PABPC4L: variants seen among roughly 807,000 people sequenced by gnomAD.
PABPC4L encodes the protein poly(A) binding protein cytoplasmic 4 like, also known as polyadenylate-binding protein 4-like.
For synonymous variants in PABPC4L, 169 were observed against 164.1 expected (o/e 1.03, Z -0.23); for missense variants, 452 against 451.4 (o/e 1.00, Z -0.01).
the PABPC4L span, among the ~76,000 whole-genome samples, chr4:133,997,510 A>T: frequency 4.6e-5 from 7 of 152,150 alleles, no homozygotes; most frequent in African/African-American, 1.7e-4. Flanking sequence ...AAAAAGAAAA[A>T]AAAACCTTTT....
At chr4:134,112,608 ATC>A in the PABPC4L span, among the ~76,000 whole-genome samples, 10 of 150,562 alleles carry the variant, frequency 6.6e-5, no homozygotes, top group Non-Finnish European at 1.0e-4. Flanking sequence ...CTATCTATCT[ATC>A]TATCTATATA....
the PABPC4L span, among the ~76,000 whole-genome samples, chr4:134,143,646 A>T: frequency 6.6e-6 from 1 of 151,228 alleles, no homozygotes; most frequent in African/African-American, 2.4e-5. Flanking sequence ...GTAAATTGAA[A>T]TAAAATTCTA....
At chr4:134,129,928 G>C in the PABPC4L span, among the ~76,000 whole-genome samples, 1 of 151,900 alleles carries the variant, frequency 6.6e-6, no homozygotes, top group Non-Finnish European at 1.5e-5. Flanking sequence ...AGCCAGGCGT[G>C]GTGGTGTGCA....
chr4:134,046,390 T>C, the PABPC4L span, among the ~76,000 whole-genome samples: 1 of 152,204 alleles, frequency 6.6e-6, no homozygotes, highest in Admixed American at 6.5e-5. Context: ...CGCCAGCATA[T>C]TTCGCCTCCA....
At chr4:134,002,410 A>G in the PABPC4L span, among the ~76,000 whole-genome samples, 1 of 151,968 alleles carries the variant, frequency 6.6e-6, no homozygotes, top group Non-Finnish European at 1.5e-5. Flanking sequence ...AAAGTGATAG[A>G]CATATATTTG....
chr4:134,160,422 C>A, the PABPC4L span, among the ~76,000 whole-genome samples: 107,675 of 152,006 alleles, frequency 0.71, 39,725 homozygotes, highest in East Asian at 1. Context: ...GACACTCCCC[C>A]GTGCTGAAAG....
chr4:134,155,148 A>C, the PABPC4L span, among the ~76,000 whole-genome samples: 1 of 152,076 alleles, frequency 6.6e-6, no homozygotes, highest in East Asian at 1.9e-4. Context: ...ATTTCAAAGA[A>C]AGCAAAATAC....
At chr4:134,120,989 G>A in the PABPC4L span, among the ~76,000 whole-genome samples, 2 of 151,018 alleles carry the variant, frequency 1.3e-5, no homozygotes, top group South Asian at 4.2e-4. Context: ...TCTTTTTAGT[G>A]CTTTATTTTC....
chr4:134,024,293 C>G, the PABPC4L span, among the ~76,000 whole-genome samples: 1 of 152,096 alleles, frequency 6.6e-6, no homozygotes, highest in African/African-American at 2.4e-5. Flanking sequence ...TCATTTTCCC[C>G]ACTTGTCTTG....
the PABPC4L span, among the ~76,000 whole-genome samples, chr4:134,088,534 T>C: frequency 6.6e-6 from 1 of 152,086 alleles, no homozygotes; most frequent in Non-Finnish European, 1.5e-5. Flanking sequence ...AATGTGAAAG[T>C]ATTAAAAGGT....
At chr4:134,043,940 C>CTGTG in the PABPC4L span, among the ~76,000 whole-genome samples, 2 of 149,440 alleles carry the variant, frequency 1.3e-5, no homozygotes, top group African/African-American at 4.9e-5. Context: ...CGACGGATGT[C>CTGTG]TGTGTGTGTG....
At chr4:134,068,194 C>T in the PABPC4L span, among the ~76,000 whole-genome samples, 1 of 152,114 alleles carries the variant, frequency 6.6e-6, no homozygotes, top group Non-Finnish European at 1.5e-5. Flanking sequence ...CTTTACAAAT[C>T]TCAGTGCTCC....
chr4:134,017,633 T>A, the PABPC4L span, among the ~76,000 whole-genome samples: 35 of 152,194 alleles, frequency 2.3e-4, 1 homozygote, highest in Non-Finnish European at 3.8e-4. Flanking sequence ...TAATTAGATG[T>A]CCTGGGTCTT....
chr4:133,996,365 T>C, the PABPC4L span, among the ~76,000 whole-genome samples: 1 of 152,174 alleles, frequency 6.6e-6, no homozygotes, highest in African/African-American at 2.4e-5. Flanking sequence ...AGCCTTATTC[T>C]GAGAACCATG....
At chr4:133,966,820 G>A in the PABPC4L span, among the ~76,000 whole-genome samples, 1 of 152,124 alleles carries the variant, frequency 6.6e-6, no homozygotes, top group Non-Finnish European at 1.5e-5. Context: ...GGGTGGGAGT[G>A]GGGCAAGGAA....
chr4:134,085,873 CA>C, the PABPC4L span, among the ~76,000 whole-genome samples: 1 of 152,114 alleles, frequency 6.6e-6, no homozygotes, highest in African/African-American at 2.4e-5. Flanking sequence ...CATTCACGTA[CA>C]TTTCTTTTGG....
the PABPC4L span, among the ~76,000 whole-genome samples, chr4:134,019,087 T>G: frequency 6.6e-6 from 1 of 152,236 alleles, no homozygotes; most frequent in Admixed American, 6.5e-5. Context: ...TATCCTTCCA[T>G]TGAAACAACA....
chr4:134,165,179 T>A, the PABPC4L span, among the ~76,000 whole-genome samples: 1 of 152,094 alleles, frequency 6.6e-6, no homozygotes. Flanking sequence ...ACCATAAAAA[T>A]TCTAAAAGAA....
At chr4:134,079,593 A>C in the PABPC4L span, among the ~76,000 whole-genome samples, 1 of 42,322 alleles carries the variant, frequency 2.4e-5, no homozygotes, top group African/African-American at 1.2e-4. Context: ...AAAAAAAAAA[A>C]AAAAAAAAAA....
Sources: gnomAD v4.1 joint callset for allele counts (sites outside exome capture counted in the v4.1 genomes callset) on GRCh38, gnomAD v4.1.1 for gene constraint, MANE v1.5 for transcripts, NCBI Gene and HGNC (gene_info 2026-07-23, HGNC 2026-07-21) for gene names.